The following APP variants were observed in gnomAD, a reference collection of about 807,000 sequenced individuals.
APP encodes amyloid-beta precursor protein.
APP carries 31 observed loss-of-function variants against 101.4 expected under a neutral mutation model. The ratio of observed to expected loss-of-function variants is 0.31; its 90% CI spans 0.23 to 0.41. The LOEUF (loss-of-function observed/expected upper bound fraction) is 0.41. APP is among the 10% of genes least tolerant of loss of function. The pLI is 1.00. For missense variants in APP, 839 were observed against 1,003.7 expected (o/e 0.84, Z 2.22); for synonymous variants, 366 against 364.4 (o/e 1.00, Z -0.05).
At chr21:25,929,672 A>G (rs1006232956) in intron 13 of APP, among the ~76,000 whole-genome samples, 4 of 152,240 alleles carry the variant, frequency 2.6e-5, no homozygotes, top group African/African-American at 7.2e-5. Flanking sequence ...TGCTACGTCT[A>G]TAACAGTATC....
Position 25,932,118 on chromosome 21 carries a change from TAG to T in APP, c.1688-20158_1688-20157del, listed in dbSNP as rs1184488050. On this transcript the variant is annotated intron_variant, in intron 13 of 17. Coordinates refer to ENST00000346798, the MANE Select transcript of APP (RefSeq NM_000484.4). ...TCAGGCTGGTGTTATTGTTAAGAAC[TAG>T]AGAGTGAAGCATTTTTTATCCAAAT... Among the ~76,000 whole-genome samples the T allele has an allele frequency of 3.3e-5, 5 of 152,334 alleles. No individual in the cohort carries two copies. In the South Asian group the frequency reaches 8.3e-4, roughly 25 times the overall value.
intron 1 of APP, among the ~76,000 whole-genome samples, chr21:26,163,861 A>T (rs1370319547): frequency 3.9e-5 from 6 of 152,184 alleles, no homozygotes; most frequent in Non-Finnish European, 8.8e-5. Context: ...ACATATGCTG[A>T]TTTTTAAAAA....
chr21:26,131,954 A>G (rs1283396485), intron 1 of APP, among the ~76,000 whole-genome samples: 2 of 152,296 alleles, frequency 1.3e-5, no homozygotes, highest in Admixed American at 1.3e-4. Context: ...AGGAAAAACA[A>G]TAATAAACTT....
intron 13 of APP, among the ~76,000 whole-genome samples, chr21:25,941,024 A>G (rs554612871): frequency 1.3e-5 from 2 of 152,340 alleles, no homozygotes; most frequent in Admixed American, 1.3e-4. Context: ...TTTGCAATAC[A>G]TACTTTATAC....
At chr21:25,952,461 T>C (rs1386412578) in intron 13 of APP, among the ~76,000 whole-genome samples, 1 of 152,118 alleles carries the variant, frequency 6.6e-6, no homozygotes, top group Non-Finnish European at 1.5e-5. Context: ...TTGAAGTTTA[T>C]TGTGCTGCCC....
At chr21:25,990,053 CA>C (rs1309785889) in intron 8 of APP, among the ~76,000 whole-genome samples, 2 of 152,070 alleles carry the variant, frequency 1.3e-5, no homozygotes, top group Non-Finnish European at 2.9e-5. Context: ...CAAGAAAATA[CA>C]GTTTGTGATC....
At chr21:25,918,600 G>C (rs1046209020) in intron 13 of APP, among the ~76,000 whole-genome samples, 3 of 151,960 alleles carry the variant, frequency 2.0e-5, no homozygotes, top group Non-Finnish European at 2.9e-5. Context: ...TTCCCTTTCT[G>C]AGTCAAAGAA....
chr21:26,140,069 G>C, intron 1 of APP: 1 of 1,057,360 alleles, frequency 9.5e-7, no homozygotes. Context: ...TTGTACTTTT[G>C]AAAGATATTA....
chr21:25,895,074 A>AAAT (rs1192493076), intron 16 of APP, among the ~76,000 whole-genome samples: 1 of 151,928 alleles, frequency 6.6e-6, no homozygotes, highest in African/African-American at 2.4e-5. Flanking sequence ...TTTAGTAATA[A>AAAT]AATATTTTAC....
intron 1 of APP, among the ~76,000 whole-genome samples, chr21:26,126,515 G>C (rs1049235076): frequency 2.0e-5 from 3 of 152,172 alleles, no homozygotes; most frequent in Non-Finnish European, 2.9e-5. Flanking sequence ...AACAGGGTAA[G>C]CTTGTTAACT....
intron 3 of APP, among the ~76,000 whole-genome samples, chr21:26,058,076 A>G (rs763971267): frequency 6.6e-6 from 1 of 152,164 alleles, no homozygotes; most frequent in Non-Finnish European, 1.5e-5. Context: ...CAGATATTCC[A>G]TGATGCCATC....
At chr21:25,960,264 A>C (rs987596153) in intron 11 of APP, among the ~76,000 whole-genome samples, 8 of 151,546 alleles carry the variant, frequency 5.3e-5, no homozygotes, top group Non-Finnish European at 1.0e-4. Flanking sequence ...AAATTTACTT[A>C]ATCTAAATGG....
At chr21:25,944,939 A>AT (rs1376976680) in intron 13 of APP, among the ~76,000 whole-genome samples, 3 of 152,212 alleles carry the variant, frequency 2.0e-5, no homozygotes, top group African/African-American at 7.2e-5. Context: ...TTTGTTTCAA[A>AT]TTACAGGGCC....
At chr21:26,100,675 A>G (rs2062035093) in intron 2 of APP, among the ~76,000 whole-genome samples, 1 of 137,946 alleles carries the variant, frequency 7.2e-6, no homozygotes, top group African/African-American at 2.5e-5. Flanking sequence ...GTTTTGCTCA[A>G]CTCATCTAAC....
chr21:26,017,033 C>A (rs2044113779), intron 6 of APP, among the ~76,000 whole-genome samples: 1 of 149,000 alleles, frequency 6.7e-6, no homozygotes, highest in African/African-American at 2.5e-5. Flanking sequence ...CCTGACTCTA[C>A]TAAAAATACA....
At position 25,976,003 on chromosome 21, in the gene APP, T is replaced by A; in HGVS notation, c.1250A>T (p.Glu417Val). 6.2e-7 allele frequency: 1 copy of A among 1,613,944 alleles called. No individual in the cohort carries two copies. The highest frequency in any genetic ancestry group is 8.5e-7 in the Non-Finnish European group (1 of 1,179,872). ...TTTAGGCAAGTTCTTTGCTTGACGT[T>A]CTGCCTCTTCCCATTCTCTCATGAC... ...SQVMREWEEAERQAKNLPKAD... is the reference protein window; with the variant it reads ...SQVMREWEEAVRQAKNLPKAD... The change falls in exon 10 of 18, where the codon GAA becomes GTA. Residue 417 changes from glutamate to valine, a missense_variant. Glu to Val is a moderately radical substitution (Grantham distance 121, BLOSUM62 -2). Coordinates refer to ENST00000346798, the MANE Select transcript of APP (RefSeq NM_000484.4).
At chr21:25,986,961 C>A (rs1217771153) in intron 8 of APP, among the ~76,000 whole-genome samples, 7 of 152,152 alleles carry the variant, frequency 4.6e-5, no homozygotes, top group African/African-American at 1.7e-4. Flanking sequence ...CAAATAAAGT[C>A]TGTTAAGATT....
chr21:26,101,093 T>A (rs1384210665), intron 2 of APP, among the ~76,000 whole-genome samples: 1 of 143,790 alleles, frequency 7.0e-6, no homozygotes, highest in Non-Finnish European at 1.5e-5. Context: ...TCTTTTTTTT[T>A]CCTTTTTTTT....
intron 3 of APP, among the ~76,000 whole-genome samples, chr21:26,055,697 C>T (rs2046013328): frequency 6.6e-6 from 1 of 152,188 alleles, no homozygotes; most frequent in African/African-American, 2.4e-5. Context: ...TTGCAAATGT[C>T]CAAACTAAGA....
Sources: allele counts gnomAD v4.1 joint callset (sites outside exome capture counted in the v4.1 genomes callset), GRCh38; gene constraint gnomAD v4.1.1; transcripts MANE v1.5; gene names NCBI Gene and HGNC (gene_info 2026-07-23, HGNC 2026-07-21).